DNAJB9: variants seen among roughly 807,000 people sequenced by gnomAD.
DNAJB9 encodes the protein dnaJ homolog subfamily B member 9.
A neutral mutation model predicts 19.2 loss-of-function variants in DNAJB9; 12 were observed. The observed-to-expected ratio is 0.62, with a 90% CI of 0.40 to 1.01. The LOEUF (loss-of-function observed/expected upper bound fraction) is 1.01. Ranked by LOEUF, DNAJB9 falls within the 50% of genes least tolerant of loss-of-function variation. DNAJB9 has a pLI of 0.00. For synonymous variants in DNAJB9, 83 were observed against 84.0 expected (o/e 0.99, Z 0.07); for missense variants, 272 against 261.1 (o/e 1.04, Z -0.29).
chr7:108,573,268 T>A lies in DNAJB9; in HGVS notation c.587T>A (p.Phe196Tyr), dbSNP rs1335967599. ...CATACAGTACAGACTGAAAATAGAT[T>A]TCATGGATCTAGCAAGCACTGCAGG... ...NQHTVQTENR[F>Y]HGSSKHCRTV... The change falls in exon 3 of 3, where the codon TTT becomes TAT. Residue 196 changes from phenylalanine to tyrosine, a missense_variant. By Grantham distance (22) the Phe-to-Tyr change is conservative. Transcript: ENST00000249356. 8 of 1,613,792 alleles carry A rather than the reference T, an allele frequency of 5.0e-6. No homozygotes were observed. The highest frequency in any genetic ancestry group is 6.8e-6 in the Non-Finnish European group (8 of 1,179,876).
At chr7:108,572,826 T>C in intron 2 of DNAJB9, 73 bp from the exon 3 acceptor site, 1 of 1,257,616 alleles carries the variant, frequency 8.0e-7, no homozygotes, top group South Asian at 1.5e-5. Context: ...GTTCACTTGC[T>C]TGAAGAGATT....
rs1790676786 is a variant in DNAJB9 at position 108,574,836 on chromosome 7, T to C, written c.*1483T>C. On this transcript the variant is annotated 3_prime_UTR_variant, in exon 3 of 3. Coordinates refer to ENST00000249356, the MANE Select transcript of DNAJB9 (RefSeq NM_012328.3). ...TAGTTTTGTTTGATAATAATAAAAT[T>C]AGCTATACCTTGAATTTTGGGCTGA... is the stretch of plus-strand genomic sequence containing the variant. The C allele has an allele frequency of 6.6e-6, 1 of 152,226 alleles. No homozygotes were observed. The highest frequency in any genetic ancestry group is 2.4e-5 in the African/African-American group (1 of 41,450). The allele number at this position is 152,226 out of a possible 1,614,324, so 9.4% of individuals were successfully genotyped here.
intron 1 of DNAJB9, among the ~76,000 whole-genome samples, chr7:108,570,722 C>A (rs541002331): frequency 6.6e-6 from 1 of 152,226 alleles, no homozygotes; most frequent in Admixed American, 6.5e-5. Context: ...AATAAGTAAT[C>A]TACCTGCCTG....
chr7:108,572,361 T>C (rs1790632737), intron 2 of DNAJB9, among the ~76,000 whole-genome samples: 2 of 152,192 alleles, frequency 1.3e-5, no homozygotes, highest in East Asian at 3.8e-4. Context: ...CAAAGCCATA[T>C]TTGTCTTCAA....
chr7:108,570,757 T>C (rs1016122090), intron 1 of DNAJB9, among the ~76,000 whole-genome samples: 1 of 152,150 alleles, frequency 6.6e-6, no homozygotes, highest in Non-Finnish European at 1.5e-5. Context: ...GAAAGGCCGC[T>C]GGAGAGGAAG....
chr7:108,573,170 T>G lies in DNAJB9; in HGVS notation c.489T>G (p.Gly163=). ...ATTTCCAAGAATTTTCTTTTGGAGG[T>G]GGATTATTTGATGACATGTTTGAAG... The part of the protein sequence containing the change: ...RHHFQEFSFG[G]GLFDDMFEDM... Residue 163 remains glycine (G), a synonymous_variant, in exon 3 of 3, where the codon GGT becomes GGG. Coordinates refer to ENST00000249356, the MANE Select transcript of DNAJB9 (RefSeq NM_012328.3). 2 of 1,613,900 alleles carry G rather than the reference T, an allele frequency of 1.2e-6. No homozygotes were observed. The highest frequency in any genetic ancestry group is 1.7e-6 in the Non-Finnish European group (2 of 1,179,918).
chr7:108,572,832 A>T, intron 2 of DNAJB9, 67 bp from the exon 3 acceptor site: 4 of 1,301,576 alleles, frequency 3.1e-6, no homozygotes, highest in Non-Finnish European at 4.2e-6. Flanking sequence ...TTGCTTGAAG[A>T]GATTTGAATA....
rs1478909264 is a variant in DNAJB9, at chr7:108,574,363, A to C, written c.*1010A>C. 5 of 152,674 alleles carry C rather than the reference A, an allele frequency of 3.3e-5. No individual in the cohort carries two copies. The highest frequency in any genetic ancestry group is 3.3e-4 in the Admixed American group (5 of 15,292). 9.5% of individuals were successfully genotyped at this position (152,674 alleles called of 1,614,324 possible). A position where few individuals can be genotyped will look rare whatever the true frequency, so the allele number is the denominator to read the frequency against. ...ACATATTAAAACAAGTGTCTCATAC[A>C]ACATTGTATGTGAGAGAAATATAAA... On this transcript the variant is annotated 3_prime_UTR_variant, in exon 3 of 3. Transcript: ENST00000249356.
chr7:108,571,301 TG>T (rs1386333807), intron 1 of DNAJB9, among the ~76,000 whole-genome samples: 5 of 150,508 alleles, frequency 3.3e-5, no homozygotes, highest in East Asian at 1.9e-4. Context: ...TTTTTTTTAA[TG>T]TTTTTTTTTT....
At chr7:108,571,972 A>T in intron 2 of DNAJB9, 29 bp downstream of exon 2, 1 of 1,605,418 alleles carries the variant, frequency 6.2e-7, no homozygotes, top group Non-Finnish European at 8.5e-7. Context: ...CTGAAGTGTC[A>T]TGGGTATTAA....
rs768170424 is a variant in DNAJB9 at position 108,574,069 on chromosome 7, A to G, written c.*716A>G. 1 of 152,586 alleles carries G rather than the reference A, an allele frequency of 6.6e-6. No homozygotes were observed. Among genetic ancestry groups the G allele is most frequent in the Non-Finnish European group, 1.5e-5 (1 of 68,004 alleles). The allele number at this position is 152,586 out of a possible 1,614,324, so 9.5% of individuals were successfully genotyped here. ...TCATAGCTACTTACATAGCTTTTTC[A>G]TATTTCTTTCTTAGTTGTTGGCACT... On this transcript the variant is annotated 3_prime_UTR_variant, in exon 3 of 3. Transcript: ENST00000249356.
At position 108,573,991 on chromosome 7, in the gene DNAJB9, A is replaced by G. The variant is rs1282580865; in HGVS notation, c.*638A>G. 6.6e-6 allele frequency: 1 copy of G among 152,516 alleles called. No individual in the cohort carries two copies. Among genetic ancestry groups the G allele is most frequent in the Non-Finnish European group, 1.5e-5 (1 of 68,002 alleles). The allele number at this position is 152,516 out of a possible 1,614,324, so 9.4% of individuals were successfully genotyped here. A position where few individuals can be genotyped will look rare whatever the true frequency, so the allele number is the denominator to read the frequency against. On this transcript the variant is annotated 3_prime_UTR_variant, in exon 3 of 3. Transcript: ENST00000249356. ...TTGAAAACTTAACGAAATATTGCCA[A>G]GAGATTGTTATGTGTTTGGTTCCAG...
At position 108,570,094 on chromosome 7, in the gene DNAJB9, G is replaced by A. The variant is rs1790590667; in HGVS notation, c.-20G>A. The stretch of plus-strand genomic sequence containing the variant: ...CTCTGTGGAGGAGCAGCAGTAGTCG[G>A]AGGGTGCAGGTGAGGGACGAGGCCG... On this transcript the variant is annotated 5_prime_UTR_variant, in exon 1 of 3. Transcript: ENST00000249356. 4 of 174,596 alleles carry A rather than the reference G, an allele frequency of 2.3e-5. No homozygotes were observed. Among genetic ancestry groups the A allele is most frequent in the Non-Finnish European group, 5.0e-5 (4 of 79,384 alleles). 10.8% of individuals were successfully genotyped at this position (174,596 alleles called of 1,614,324 possible).
rs1268121183 is a variant in DNAJB9 at position 108,571,793 on chromosome 7, G to T, written c.67G>T (p.Ala23Ser). The T allele has an allele frequency of 4.3e-6, 7 of 1,613,818 alleles. No individual in the cohort carries two copies. Among genetic ancestry groups the T allele is most frequent in the Non-Finnish European group, 5.9e-6 (7 of 1,179,996 alleles). ...TTTAATGATAACAGAATTAATTCTG[G>T]CCTCAAAAAGCTACTATGATATCTT... ...CILMITELIL[A>S]SKSYYDILGV... The change falls in exon 2 of 3, where the codon GCC (alanine) becomes TCC (serine). Residue 23 changes from alanine to serine, a missense_variant. Coordinates refer to ENST00000249356, the MANE Select transcript of DNAJB9 (RefSeq NM_012328.3).
rs1489685648 is a variant in DNAJB9 at position 108,573,131 on chromosome 7, T to C, written c.450T>C (p.Ser150=). The change falls in exon 3 of 3, where the codon AGT becomes AGC. Residue 150 remains serine (S), a synonymous_variant. Coordinates refer to ENST00000249356, the MANE Select transcript of DNAJB9 (RefSeq NM_012328.3). ...AGACACGCCAGGATGGTGGTTCCAG[T>C]AGACAAAGGCATCATTTCCAAGAAT... The part of the protein sequence containing the change: ...HFQTRQDGGS[S]RQRHHFQEFS... 2 of 1,614,098 alleles carry C rather than the reference T, an allele frequency of 1.2e-6. No homozygotes were observed. The highest frequency in any genetic ancestry group is 3.3e-5 in the Admixed American group (2 of 60,032).
chr7:108,572,407 C>A (rs1003242472), intron 2 of DNAJB9, among the ~76,000 whole-genome samples: 10 of 152,164 alleles, frequency 6.6e-5, no homozygotes, highest in Non-Finnish European at 1.0e-4. Flanking sequence ...TTCAGACTAG[C>A]TCTAAAACAA....
Position 108,574,758 on chromosome 7 carries a change from A to T in DNAJB9, c.*1405A>T, listed in dbSNP as rs1176851722. On this transcript the variant is annotated 3_prime_UTR_variant, in exon 3 of 3. Coordinates refer to ENST00000249356, the MANE Select transcript of DNAJB9 (RefSeq NM_012328.3). The stretch of plus-strand genomic sequence containing the variant: ...CATCTTTAATTTGAAACTTAAGAAA[A>T]TGAATTTATTCTGTTATATTTATGT... The T allele has an allele frequency of 6.6e-6, 1 of 152,230 alleles. No homozygotes were observed. The highest frequency in any genetic ancestry group is 2.4e-5 in the African/African-American group (1 of 41,454). The allele number at this position is 152,230 out of a possible 1,614,324, so 9.4% of individuals were successfully genotyped here.
At chr7:108,572,812 T>A (rs1024352411) in intron 2 of DNAJB9, 87 bp from the exon 3 acceptor site, 4 of 1,059,336 alleles carry the variant, frequency 3.8e-6, no homozygotes, top group Non-Finnish European at 4.0e-6. Flanking sequence ...AATAATAGTA[T>A]TCAGTTCACT....
chr7:108,572,106 C>T (rs1023523681), intron 2 of DNAJB9, 163 bp downstream of exon 2: 1 of 597,054 alleles, frequency 1.7e-6, no homozygotes, highest in Non-Finnish European at 2.9e-6. Flanking sequence ...ATCACAGATG[C>T]TTTGATTCCT....
Sources: gnomAD v4.1 joint callset for allele counts (sites outside exome capture counted in the v4.1 genomes callset) on GRCh38, gnomAD v4.1.1 for gene constraint, MANE v1.5 for transcripts, NCBI Gene and HGNC (gene_info 2026-07-23, HGNC 2026-07-21) for gene names.